Variants in MIPEP observed in about 807,000 individuals in gnomAD.
The protein encoded by MIPEP is mitochondrial intermediate peptidase.
Under a neutral mutation model 90.3 loss-of-function variants are expected in MIPEP, and 79 were observed. That is an observed-to-expected ratio of 0.87 (90% CI 0.73 to 1.05). MIPEP has a LOEUF of 1.05. MIPEP is among the 50% of genes least tolerant of loss of function. MIPEP has a pLI of 0.00. For missense variants in MIPEP, 940 were observed against 905.6 expected (o/e 1.04, Z -0.49); for synonymous variants, 334 against 315.8 (o/e 1.06, Z -0.61).
At chr13:23,796,055 TTA>T (rs747158188) in intron 16 of MIPEP, among the ~76,000 whole-genome samples, 4 of 151,968 alleles carry the variant, frequency 2.6e-5, no homozygotes, top group South Asian at 2.1e-4. Flanking sequence ...TCTTCATATA[TTA>T]TATATATATG....
intron 2 of MIPEP, among the ~76,000 whole-genome samples, chr13:23,884,583 C>T (rs1049972484): frequency 1.3e-4 from 20 of 152,206 alleles, no homozygotes; most frequent in African/African-American, 4.6e-4. Flanking sequence ...CTTCATCACC[C>T]AGTGCCTTTC....
At chr13:23,831,392 G>GT (rs1316041872) in intron 14 of MIPEP, among the ~76,000 whole-genome samples, 7 of 142,594 alleles carry the variant, frequency 4.9e-5, no homozygotes, top group South Asian at 2.4e-4. Flanking sequence ...GCGGGGGGGG[G>GT]ATGTGGATGG....
At chr13:23,852,538 T>C (rs930527743) in intron 10 of MIPEP, among the ~76,000 whole-genome samples, 2 of 152,232 alleles carry the variant, frequency 1.3e-5, no homozygotes, top group Non-Finnish European at 2.9e-5. Context: ...GTAGCTGTCA[T>C]GTCAGAGTAC....
intron 10 of MIPEP, among the ~76,000 whole-genome samples, chr13:23,842,831 G>A (rs1365852434): frequency 2.0e-5 from 3 of 152,198 alleles, no homozygotes; most frequent in African/African-American, 4.8e-5. Context: ...CGGGTGCTGT[G>A]GCTCACGCCT....
chr13:23,765,319 C>T (rs1010161414), intron 16 of MIPEP, among the ~76,000 whole-genome samples: 19 of 152,164 alleles, frequency 1.2e-4, no homozygotes, highest in African/African-American at 4.3e-4. Context: ...TGGTCAACTT[C>T]GCTCCAAAAA....
chr13:23,780,819 G>A (rs1486628428), intron 16 of MIPEP, among the ~76,000 whole-genome samples: 1 of 152,178 alleles, frequency 6.6e-6, no homozygotes, highest in East Asian at 1.9e-4. Context: ...ACAAGCTTCA[G>A]TAGCCCATTC....
At chr13:23,857,187 T>C (rs1870079401) in intron 10 of MIPEP, among the ~76,000 whole-genome samples, 1 of 152,142 alleles carries the variant, frequency 6.6e-6, no homozygotes, top group South Asian at 2.1e-4. Context: ...TTAATGCAAC[T>C]ATAGGGAGCA....
chr13:23,838,702 G>C (rs893030438), intron 12 of MIPEP, among the ~76,000 whole-genome samples: 1 of 152,112 alleles, frequency 6.6e-6, no homozygotes, highest in Admixed American at 6.5e-5. Context: ...TCTGAACCCA[G>C]GCTGACTATT....
intron 10 of MIPEP, among the ~76,000 whole-genome samples, chr13:23,853,150 A>G (rs1168517981): frequency 6.6e-6 from 1 of 152,348 alleles, no homozygotes; most frequent in Non-Finnish European, 1.5e-5. Context: ...ATTATTGAAG[A>G]AAGAACCATA....
rs570030045 is a variant in MIPEP, at chr13:23,764,153, A to G, written c.1849-3936T>C. Among the ~76,000 whole-genome samples, 4 of 152,288 alleles carry G rather than the reference A, an allele frequency of 2.6e-5. No individual in the cohort carries two copies. In the East Asian group the frequency reaches 7.7e-4, roughly 29 times the overall value. ...GATTTCAAAAGCAAACCATGCAAAC[A>G]TCTTTGTAGTTTTCCTTTTATTACG... is the stretch of plus-strand genomic sequence containing the variant. On this transcript the variant is annotated intron_variant, in intron 16 of 18. Coordinates refer to ENST00000382172, the MANE Select transcript of MIPEP (RefSeq NM_005932.4).
chr13:23,839,359 C>A (rs866603528), intron 12 of MIPEP, among the ~76,000 whole-genome samples: 2 of 152,106 alleles, frequency 1.3e-5, no homozygotes, highest in East Asian at 1.9e-4. Context: ...ATGTGTATAA[C>A]GGGCTCAGTG....
intron 8 of MIPEP, among the ~76,000 whole-genome samples, chr13:23,863,886 A>G (rs1049121099): frequency 1.1e-4 from 17 of 152,244 alleles, no homozygotes; most frequent in African/African-American, 3.9e-4. Flanking sequence ...TTTGGTAAAG[A>G]TTTTTAAAGT....
intron 18 of MIPEP, among the ~76,000 whole-genome samples, chr13:23,731,666 G>C (rs1310905060): frequency 2.0e-5 from 3 of 152,130 alleles, no homozygotes; most frequent in Admixed American, 6.5e-5. Context: ...CTCTTGAAAA[G>C]AAACCATTAA....
intron 18 of MIPEP, among the ~76,000 whole-genome samples, chr13:23,737,455 C>G (rs1325124947): frequency 1.3e-5 from 2 of 152,140 alleles, no homozygotes; most frequent in Non-Finnish European, 1.5e-5. Context: ...CCTGTGGTAA[C>G]CCCTTCAAAC....
rs1365597447 is a variant in MIPEP at position 23,864,181 on chromosome 13, T to C, written c.952A>G (p.Met318Val). 4 of 1,563,548 alleles carry C rather than the reference T, an allele frequency of 2.6e-6. No individual in the cohort carries two copies. Among genetic ancestry groups the C allele is most frequent in the East Asian group, 4.6e-5 (2 of 43,794 alleles). Residue 318 changes from methionine to valine, a missense_variant, in exon 8 of 19, where the codon ATG becomes GTG. By Grantham distance (21) the Met-to-Val change is conservative. Coordinates refer to ENST00000382172, the MANE Select transcript of MIPEP (RefSeq NM_005932.4). ...GTIAKNPETVMQFLEKLSDKL... is the reference protein window; with the variant it reads ...GTIAKNPETVVQFLEKLSDKL... ...TCAGATAGTTTTTCAAGGAACTGCA[T>C]GACAGTCTCTAAAACGAAATCCAAA...
chr13:23,755,944 C>T (rs1189816286), intron 18 of MIPEP, among the ~76,000 whole-genome samples: 1 of 151,612 alleles, frequency 6.6e-6, no homozygotes, highest in African/African-American at 2.4e-5. Flanking sequence ...ACACTGTGAC[C>T]TGTTAAAATC....
At chr13:23,865,294 C>T (rs1339803599) in intron 7 of MIPEP, among the ~76,000 whole-genome samples, 1 of 152,108 alleles carries the variant, frequency 6.6e-6, no homozygotes, top group Non-Finnish European at 1.5e-5. Flanking sequence ...TTTAAGTTTC[C>T]TGCCCTCTCT....
chr13:23,887,632 G>T (rs1871558428), intron 1 of MIPEP, among the ~76,000 whole-genome samples: 1 of 152,120 alleles, frequency 6.6e-6, no homozygotes, highest in African/African-American at 2.4e-5. Context: ...CTATCCAATA[G>T]AATGTCTAAC....
chr13:23,742,868 T>C (rs1331050971), intron 18 of MIPEP, among the ~76,000 whole-genome samples: 5 of 152,222 alleles, frequency 3.3e-5, no homozygotes, highest in African/African-American at 1.2e-4. Flanking sequence ...TGAAAATGGA[T>C]ACTGGTGATG....
Sources: gnomAD v4.1 joint callset for allele counts (sites outside exome capture counted in the v4.1 genomes callset) on GRCh38, gnomAD v4.1.1 for gene constraint, MANE v1.5 for transcripts, NCBI Gene and HGNC (gene_info 2026-07-23, HGNC 2026-07-21) for gene names.